Variants in SETD5 observed in about 807,000 individuals in gnomAD.
SETD5 encodes the protein SET domain containing 5.
SETD5 carries 44 observed loss-of-function variants against 153.3 expected under a neutral mutation model. The ratio of observed to expected loss-of-function variants is 0.29; its 90% CI spans 0.23 to 0.37. The LOEUF (loss-of-function observed/expected upper bound fraction) is 0.37, where lower values mean the gene tolerates loss of function less well. Among genes scored for constraint, SETD5 ranks in the 10% least tolerant of loss-of-function variants. SETD5 has a pLI of 1.00. For synonymous variants in SETD5, 716 were observed against 645.2 expected, an observed-to-expected ratio of 1.11 and a Z score of -1.66; for missense variants, 1,544 against 1,768.0, an observed-to-expected ratio of 0.87 and a Z score of 2.27.
At chr3:9,427,782 C>T (rs1200711427) in intron 2 of SETD5, among the ~76,000 whole-genome samples, 1 of 152,130 alleles carries the variant, frequency 6.6e-6, no homozygotes, top group Non-Finnish European at 1.5e-5. Flanking sequence ...TTGTTTCATC[C>T]TTTCAATGTT....
chr3:9,447,434 C>G, intron 14 of SETD5, 127 bp downstream of exon 14: 1 of 1,323,344 alleles, frequency 7.6e-7, no homozygotes, highest in Non-Finnish European at 1.0e-6. Flanking sequence ...AGGCCATTAA[C>G]TGTTTAACTG....
At position 9,476,076 on chromosome 3, in the gene SETD5, G is replaced by T; in HGVS notation, c.4314G>T (p.Gln1438His). 1 of 1,613,398 alleles carries T rather than the reference G, an allele frequency of 6.2e-7. No homozygotes were observed. The highest frequency in any genetic ancestry group is 2.2e-5 in the East Asian group (1 of 44,870). Residue 1438 changes from glutamine (Q) to histidine (H), a missense_variant, in exon 23 of 23, where the codon CAG (glutamine) becomes CAT (histidine). Around this residue, in one of 9 missense-constraint regions of SETD5, gnomAD observed 302 missense variants for 277.6 expected, o/e 1.09. Transcript: ENST00000402198. ...QPLQGSGVKT[Q>H]TGLS Reference sequence around the variant, plus strand: ...TGCAAGGGTCAGGAGTCAAGACTCAGACGGGACTTTCCTAGGGCTTCTGGA... The same window carrying T: ...TGCAAGGGTCAGGAGTCAAGACTCATACGGGACTTTCCTAGGGCTTCTGGA...
rs777794995 is a variant in SETD5, at chr3:9,448,488, C to T, written c.2204C>T (p.Thr735Ile). 1 of 1,614,004 alleles carries T rather than the reference C, an allele frequency of 6.2e-7. No homozygotes were observed. The highest frequency in any genetic ancestry group is 1.1e-5 in the South Asian group (1 of 91,080). Residue 735 changes from threonine (T) to isoleucine (I), a missense_variant, in exon 16 of 23, where the codon ACC becomes ATC. Physicochemically the swap from Thr to Ile is moderately conservative, Grantham distance 89. Coordinates refer to ENST00000402198, the MANE Select transcript of SETD5 (RefSeq NM_001080517.3). ...ITTDPTVLAT[T>I]LNMLPGLIHS... Reference sequence around the variant, plus strand: ...ACGGATCCAACTGTACTGGCAACGACCCTAAACATGTTACCAGGTCTTATC... The same window carrying T: ...ACGGATCCAACTGTACTGGCAACGATCCTAAACATGTTACCAGGTCTTATC...
At chr3:9,405,664 C>A (rs1159463194) in intron 1 of SETD5, among the ~76,000 whole-genome samples, 1 of 152,132 alleles carries the variant, frequency 6.6e-6, no homozygotes, top group Non-Finnish European at 1.5e-5. Flanking sequence ...TTTCATCATT[C>A]TTAGATATTA....
intron 11 of SETD5, among the ~76,000 whole-genome samples, chr3:9,443,823 T>G (rs897387669): frequency 1.3e-5 from 2 of 152,168 alleles, no homozygotes; most frequent in Non-Finnish European, 2.9e-5. Flanking sequence ...CTCAACACTT[T>G]GGAAGGCTGA....
chr3:9,419,673 C>T (rs2038082749), intron 1 of SETD5, among the ~76,000 whole-genome samples: 1 of 152,198 alleles, frequency 6.6e-6, no homozygotes, highest in Non-Finnish European at 1.5e-5. Flanking sequence ...TTCCTCTGAA[C>T]TTTACTACTG....
intron 1 of SETD5, among the ~76,000 whole-genome samples, chr3:9,402,335 T>A (rs946537914): frequency 6.6e-6 from 1 of 152,190 alleles, no homozygotes; most frequent in African/African-American, 2.4e-5. Context: ...AAGCTCAGTC[T>A]GCTTTATATG....
intron 17 of SETD5, among the ~76,000 whole-genome samples, chr3:9,456,855 A>T (rs2043312666): frequency 6.6e-6 from 1 of 152,096 alleles, no homozygotes; most frequent in Non-Finnish European, 1.5e-5. Context: ...ATGCACCTGT[A>T]GTCCCAGCTA....
At chr3:9,450,180 G>T (rs2042456645) in intron 16 of SETD5, among the ~76,000 whole-genome samples, 2 of 152,160 alleles carry the variant, frequency 1.3e-5, no homozygotes, top group Non-Finnish European at 2.9e-5. Flanking sequence ...ACTTGGTTCT[G>T]CTTTTATACT....
chr3:9,434,080 C>G lies in SETD5; in HGVS notation c.177+130C>G. ...TTGCCCCTTTTGCACTTCCCTGACT[C>G]CAGCGGACGTCTAGCCCTGCATCAT... On this transcript the variant is annotated intron_variant, in intron 4 of 22. Transcript: ENST00000402198. This position sits in a 1 kb window ranked among gnomAD's most constrained non-coding sequence, Gnocchi z 5.6. 2 of 1,585,180 alleles carry G rather than the reference C, an allele frequency of 1.3e-6. No homozygotes were observed. The highest frequency in any genetic ancestry group is 1.7e-6 in the Non-Finnish European group (2 of 1,167,656).
In SETD5 at chr3:9,445,966, T is replaced by G. The variant is rs58773270; in HGVS notation, c.1524+226T>G. Among the ~76,000 whole-genome samples, 5,904 of 94,966 alleles carry G rather than the reference T, an allele frequency of 0.062. 522 individuals are homozygous for G. The highest frequency in any genetic ancestry group is 0.23 in the African/African-American group (5,433 of 23,822). The allele number at this position is 94,966 out of a possible 152,430, so 62.3% of individuals were successfully genotyped here. A position where few individuals can be genotyped will look rare whatever the true frequency, so the allele number is the denominator to read the frequency against. ...ATCTAGTGATGGTTTGAAGAGGTTG[T>G]TTTTTTTTTTTTTTTTTTTTTTACT... On this transcript the variant is annotated intron_variant, in intron 13 of 22. Transcript: ENST00000402198.
At chr3:9,427,964 C>T (rs1426122503) in intron 2 of SETD5, among the ~76,000 whole-genome samples, 2 of 152,184 alleles carry the variant, frequency 1.3e-5, no homozygotes, top group African/African-American at 4.8e-5. Flanking sequence ...GTCAAGCTAT[C>T]CTCACCGCTT....
At position 9,434,074 on chromosome 3, in the gene SETD5, C is replaced by G; in HGVS notation, c.177+124C>G. ...ACGAAGTTGCCCCTTTTGCACTTCC[C>G]TGACTCCAGCGGACGTCTAGCCCTG... On this transcript the variant is annotated intron_variant, in intron 4 of 22. Coordinates refer to ENST00000402198, the MANE Select transcript of SETD5 (RefSeq NM_001080517.3). The surrounding 1 kb of genome is among the most constrained non-coding windows in gnomAD (Gnocchi z 5.6). The G allele has an allele frequency of 3.1e-6, 5 of 1,591,692 alleles. No individual in the cohort carries two copies. The highest frequency in any genetic ancestry group is 4.3e-6 in the Non-Finnish European group (5 of 1,170,960).
At chr3:9,463,688 A>G (rs2044237558) in intron 17 of SETD5, among the ~76,000 whole-genome samples, 1 of 152,246 alleles carries the variant, frequency 6.6e-6, no homozygotes, top group Non-Finnish European at 1.5e-5. Context: ...TCATATAAGA[A>G]TAGAAAGAGC....
chr3:9,451,523 C>T (rs1212550696), intron 16 of SETD5, among the ~76,000 whole-genome samples: 2 of 152,160 alleles, frequency 1.3e-5, no homozygotes, highest in East Asian at 3.9e-4. Context: ...CACAGGCTCA[C>T]TGCAGCCTTG....
At chr3:9,454,579 G>A (rs1032510470) in intron 17 of SETD5, among the ~76,000 whole-genome samples, 5 of 116,398 alleles carry the variant, frequency 4.3e-5, no homozygotes, top group African/African-American at 1.6e-4. Flanking sequence ...CCAAGATCAC[G>A]CCACTGCACT....
chr3:9,472,633 CA>C (rs1316569632), intron 19 of SETD5, among the ~76,000 whole-genome samples: 4 of 152,094 alleles, frequency 2.6e-5, no homozygotes, highest in Admixed American at 1.3e-4. Context: ...AAAATTTGAA[CA>C]TATTTAAGTA....
chr3:9,414,666 A>AT (rs774404648), intron 1 of SETD5, among the ~76,000 whole-genome samples: 1 of 152,088 alleles, frequency 6.6e-6, no homozygotes, highest in Non-Finnish European at 1.5e-5. Flanking sequence ...TCCGTAGTGT[A>AT]TTTTTTTACT....
intron 7 of SETD5, chr3:9,436,956 T>C: frequency 7.1e-7 from 1 of 1,401,818 alleles, no homozygotes; most frequent in Admixed American, 2.1e-5. Flanking sequence ...TCAGCTTCTT[T>C]CCTGACATTG....
Sources: allele counts gnomAD v4.1 joint callset (sites outside exome capture counted in the v4.1 genomes callset), GRCh38; gene constraint gnomAD v4.1.1; regional missense constraint gnomAD v4.1.1; non-coding constraint Gnocchi (gnomAD v3.1); transcripts MANE v1.5; gene names NCBI Gene and HGNC (gene_info 2026-07-23, HGNC 2026-07-21).